GLMN: variants seen among roughly 807,000 people sequenced by gnomAD.
The protein encoded by GLMN is glomulin.
In GLMN, 75 loss-of-function variants were observed where a neutral mutation model predicts 87.8. The ratio of observed to expected loss-of-function variants is 0.85; its 90% CI spans 0.71 to 1.04. GLMN has a LOEUF of 1.04. GLMN is among the 50% of genes least tolerant of loss of function. The pLI, the probability that GLMN is intolerant of heterozygous loss-of-function variation, is 0.00. For synonymous variants in GLMN, 206 were observed against 221.6 expected (o/e 0.93, Z 0.63); for missense variants, 588 against 658.8 (o/e 0.89, Z 1.18).
the GLMN span, among the ~76,000 whole-genome samples, chr1:92,320,272 T>C: frequency 6.6e-6 from 1 of 152,006 alleles, no homozygotes; most frequent in African/African-American, 2.4e-5. Flanking sequence ...TGTCCTTTAA[T>C]TTTTTTCTTT....
At chr1:92,352,367 T>TA in the GLMN span, among the ~76,000 whole-genome samples, 3 of 152,194 alleles carry the variant, frequency 2.0e-5, no homozygotes, top group Admixed American at 6.5e-5. Context: ...ATCATACAGA[T>TA]AGATACTCTG....
At chr1:92,350,362 T>C in the GLMN span, among the ~76,000 whole-genome samples, 3 of 152,172 alleles carry the variant, frequency 2.0e-5, no homozygotes, top group East Asian at 1.9e-4. Flanking sequence ...ACAGTGATAA[T>C]TGATTGACTT....
At chr1:92,345,739 A>G in the GLMN span, 4 of 669,088 alleles carry the variant, frequency 6.0e-6, no homozygotes, top group Non-Finnish European at 1.0e-5. Context: ...GTATTTTAAA[A>G]AAAAGTGCTT....
At chr1:92,265,890 C>G (rs1241820108) in intron 13 of GLMN, among the ~76,000 whole-genome samples, 1 of 152,218 alleles carries the variant, frequency 6.6e-6, no homozygotes, top group Non-Finnish European at 1.5e-5. Flanking sequence ...GCAACAGAGA[C>G]TGTATAGCCC....
At chr1:92,338,310 A>G in the GLMN span, among the ~76,000 whole-genome samples, 1 of 152,242 alleles carries the variant, frequency 6.6e-6, no homozygotes, top group Non-Finnish European at 1.5e-5. Flanking sequence ...AGGGATGTCA[A>G]TCCTCAGATT....
chr1:92,294,327 T>G (rs907261477), intron 3 of GLMN, among the ~76,000 whole-genome samples: 2 of 152,114 alleles, frequency 1.3e-5, no homozygotes, highest in African/African-American at 4.8e-5. Context: ...ACCCCAGTCT[T>G]GTAAGATAAT....
intron 1 of GLMN, among the ~76,000 whole-genome samples, chr1:92,298,283 T>G (rs748121181): frequency 6.6e-6 from 1 of 151,962 alleles, no homozygotes; most frequent in Admixed American, 6.6e-5. Context: ...TGTTTTAAGT[T>G]TTCTAGGAGC....
the GLMN span, chr1:92,336,219 A>T: frequency 1.5e-6 from 1 of 659,692 alleles, no homozygotes; most frequent in Non-Finnish European, 2.7e-6. Flanking sequence ...ACCTAGGTTA[A>T]CCTTTAAATC....
chr1:92,368,157 G>A, the GLMN span, among the ~76,000 whole-genome samples: 2 of 152,034 alleles, frequency 1.3e-5, no homozygotes. Flanking sequence ...GGCCACAGTG[G>A]GTCACAAGGT....
At chr1:92,273,260 G>A (rs1656436572) in intron 7 of GLMN, among the ~76,000 whole-genome samples, 2 of 152,128 alleles carry the variant, frequency 1.3e-5, no homozygotes, top group Admixed American at 1.3e-4. Flanking sequence ...ACAAGAGACT[G>A]CTATTCAGCG....
the GLMN span, among the ~76,000 whole-genome samples, chr1:92,329,845 G>T: frequency 6.6e-6 from 1 of 152,146 alleles, no homozygotes; most frequent in Non-Finnish European, 1.5e-5. Context: ...AGTGACATTA[G>T]CGTATGAATT....
the GLMN span, among the ~76,000 whole-genome samples, chr1:92,353,734 G>A: frequency 6.6e-6 from 1 of 152,094 alleles, no homozygotes; most frequent in African/African-American, 2.4e-5. Context: ...TGAGGATTAA[G>A]CAATAATTAG....
chr1:92,369,648 T>A, the GLMN span, among the ~76,000 whole-genome samples: 1 of 152,274 alleles, frequency 6.6e-6, no homozygotes, highest in East Asian at 1.9e-4. Context: ...AAGATTGGAA[T>A]AGAGGCTTGA....
chr1:92,353,643 TAC>T, the GLMN span, among the ~76,000 whole-genome samples: 1 of 152,220 alleles, frequency 6.6e-6, no homozygotes, highest in African/African-American at 2.4e-5. Context: ...CTTGCTTATA[TAC>T]ATCTTGAATT....
the GLMN span, among the ~76,000 whole-genome samples, chr1:92,337,709 ATTGGATTAT>A: frequency 3.3e-5 from 5 of 152,048 alleles, no homozygotes; most frequent in African/African-American, 1.2e-4. Flanking sequence ...TAGATATTAT[ATTGGATTAT>A]TATATATCTG....
At chr1:92,328,203 C>G in the GLMN span, among the ~76,000 whole-genome samples, 1 of 152,068 alleles carries the variant, frequency 6.6e-6, no homozygotes, top group Non-Finnish European at 1.5e-5. Context: ...GTGTAGGTCT[C>G]TAGCAAGGCT....
the GLMN span, among the ~76,000 whole-genome samples, chr1:92,335,874 T>TG: frequency 6.6e-6 from 1 of 152,250 alleles, no homozygotes; most frequent in East Asian, 1.9e-4. Flanking sequence ...TTAGATTAAA[T>TG]TTTTTTCATA....
intron 16 of GLMN, among the ~76,000 whole-genome samples, chr1:92,257,150 A>G (rs978090595): frequency 6.6e-6 from 1 of 152,220 alleles, no homozygotes; most frequent in African/African-American, 2.4e-5. Flanking sequence ...TCCCATTCAC[A>G]ATTGCTACAA....
upstream of GLMN, chr1:92,301,537 A>G (rs1443666303): frequency 6.3e-7 from 1 of 1,594,496 alleles, no homozygotes; most frequent in South Asian, 1.1e-5. Context: ...AGCTCTACAT[A>G]TTGTTGAACA....
Sources: gnomAD v4.1 joint callset for allele counts (sites outside exome capture counted in the v4.1 genomes callset) on GRCh38, gnomAD v4.1.1 for gene constraint, MANE v1.5 for transcripts, NCBI Gene and HGNC (gene_info 2026-07-23, HGNC 2026-07-21) for gene names.